Variants in NEB observed in about 807,000 individuals in gnomAD.
The protein encoded by NEB is nemaline myopathy type 2.
In NEB, 512 loss-of-function variants were observed where a neutral mutation model predicts 952.2. That is an observed-to-expected ratio of 0.54 (90% CI 0.50 to 0.58). NEB has a LOEUF of 0.58. Among genes scored for constraint, NEB ranks in the 20% least tolerant of loss-of-function variants. The probability of loss-of-function intolerance (pLI) is 0.00; values close to 1 mark genes in which losing one functional copy is unlikely to be tolerated. For synonymous variants in NEB, 2,900 were observed against 3,149.8 expected (o/e 0.92, Z 2.66); for missense variants, 8,428 against 9,231.1 (o/e 0.91, Z 3.56).
Position 151,506,167 on chromosome 2 carries a change from G to A in NEB, c.23648C>T (p.Ser7883Leu), listed in dbSNP as rs202191938. Residue 7883 changes from serine (S) to leucine (L), a missense_variant and splice_region_variant, in exon 164 of 182, where the codon TCG (serine) becomes TTG (leucine). By Grantham distance (145) the Ser-to-Leu change is moderately radical. Transcript: ENST00000397345. ...CAAGTGCATTCACTGTGTCTTTACCGAGCTAATGTGGTCCTGTGTTTGTTT... is the reference window on the plus strand; with the variant it reads ...CAAGTGCATTCACTGTGTCTTTACCAAGCTAATGTGGTCCTGTGTTTGTTT... ...RVKQTQDHIS[S>L]VKYKEAIGQG... 152 of 1,607,412 alleles carry A rather than the reference G, an allele frequency of 9.5e-5. No homozygotes were observed. The Admixed American group carries it at 1.3e-3, about 14-fold the overall frequency.
rs557045202 is a variant in NEB, at chr2:151,514,814, C to A, written c.23016+4G>T. ...AGGGAAAGAAAAGACCAAGTGGGCA[C>A]TACCTCGCTTGCTATTTTAGTTGCA... On this transcript the variant is annotated splice_donor_region_variant and intron_variant, in intron 158 of 181. Coordinates refer to ENST00000397345, the MANE Select transcript of NEB (RefSeq NM_001164508.2). The A allele has an allele frequency of 1.8e-5, 28 of 1,554,134 alleles. 1 individual carries two copies. In the South Asian group the frequency reaches 3.1e-4, roughly 17 times the overall value.
At chr2:151,675,705 T>G (rs979486448) in intron 34 of NEB, among the ~76,000 whole-genome samples, 2 of 152,220 alleles carry the variant, frequency 1.3e-5, no homozygotes, top group Non-Finnish European at 2.9e-5. Flanking sequence ...ATTTATTATT[T>G]GCCTGTGAGT....
At position 151,629,729 on chromosome 2, in the gene NEB, T is replaced by C. The variant is rs956996461; in HGVS notation, c.9724-83A>G. ...TTATTAAGTGACTTATATCCTAAAA[T>C]TTAAAAAAGGATAGGAACTGGAGAC... On this transcript the variant is annotated intron_variant, in intron 67 of 181. Transcript: ENST00000397345. The C allele has an allele frequency of 6.1e-5, 72 of 1,185,764 alleles. No homozygotes were observed. The South Asian group carries it at 9.0e-4, about 15-fold the overall frequency. 73.5% of individuals were successfully genotyped at this position (1,185,764 alleles called of 1,614,324 possible). A position where few individuals can be genotyped will look rare whatever the true frequency, so the allele number is the denominator to read the frequency against.
rs1212097890 is a variant in NEB at position 151,581,470 on chromosome 2, T to C, written c.16284+13A>G. The C allele has an allele frequency of 1.4e-6, 1 of 712,298 alleles. No individual in the cohort carries two copies. Among genetic ancestry groups the C allele is most frequent in the Non-Finnish European group, 2.2e-6 (1 of 448,484 alleles). 44.1% of individuals were successfully genotyped at this position (712,298 alleles called of 1,614,324 possible). A position where few individuals can be genotyped will look rare whatever the true frequency, so the allele number is the denominator to read the frequency against. On this transcript the variant is annotated intron_variant, in intron 103 of 181. Coordinates refer to ENST00000397345, the MANE Select transcript of NEB (RefSeq NM_001164508.2). Reference sequence around the variant, plus strand: ...AGAGCACTGTGAAAAGCAAATGATGTGTGCTGTCTTACATTGCTGATCTGC... The same window carrying C: ...AGAGCACTGTGAAAAGCAAATGATGCGTGCTGTCTTACATTGCTGATCTGC...
intron 73 of NEB, 146 bp from the exon 74 acceptor site, chr2:151,618,624 G>T: frequency 1.2e-6 from 1 of 831,286 alleles, no homozygotes; most frequent in Non-Finnish European, 1.9e-6. Context: ...GCACATTATT[G>T]AATCCTAAGT....
At chr2:151,683,858 C>A (rs767198202) in intron 28 of NEB, among the ~76,000 whole-genome samples, 1 of 151,992 alleles carries the variant, frequency 6.6e-6, no homozygotes, top group Non-Finnish European at 1.5e-5. Context: ...TATGGCATAT[C>A]GATACAATAG....
At chr2:151,727,980 G>T in intron 4 of NEB, 74 bp from the exon 5 acceptor site, 1 of 1,176,246 alleles carries the variant, frequency 8.5e-7, no homozygotes, top group Non-Finnish European at 1.2e-6. Flanking sequence ...GTATATATTA[G>T]TCTAACTTCA....
At chr2:151,519,597 T>C in intron 154 of NEB, 61 bp downstream of exon 154, 2 of 1,278,056 alleles carry the variant, frequency 1.6e-6, no homozygotes, top group Non-Finnish European at 2.3e-6. Context: ...ATTGCACACT[T>C]AAAAACAGTT....
chr2:151,631,042 T>G lies in NEB; in HGVS notation c.9618+101A>C, dbSNP rs1028287317. 14 of 1,460,382 alleles carry G rather than the reference T, an allele frequency of 9.6e-6. No homozygotes were observed. The African/African-American group carries it at 1.1e-4, about 12-fold the overall frequency. 90.5% of individuals were successfully genotyped at this position (1,460,382 alleles called of 1,614,324 possible). ...AAGCATGTAATTTAAAAGGTAAAAA[T>G]GCGACCCCACGCCTTCATAGATAAT... On this transcript the variant is annotated intron_variant, in intron 66 of 181. Coordinates refer to ENST00000397345, the MANE Select transcript of NEB (RefSeq NM_001164508.2).
At chr2:151,578,556 G>A (rs1255306527) in intron 105 of NEB, among the ~76,000 whole-genome samples, 1 of 151,808 alleles carries the variant, frequency 6.6e-6, no homozygotes, top group Middle Eastern at 3.2e-3. Flanking sequence ...AGCTACTTGG[G>A]AGGCTGAGGC....
At position 151,506,908 on chromosome 2, in the gene NEB, C is replaced by T; in HGVS notation, c.23556+1G>A. On this transcript the variant is annotated splice_donor_variant, in intron 163 of 181. Coordinates refer to ENST00000397345, the MANE Select transcript of NEB (RefSeq NM_001164508.2). LOFTEE classifies it high-confidence loss of function. ...AAATGCAAAATAAATAGTAAATATA[C>T]CGAGCTGAAATTCTTCTGATTTTCT... 1 of 1,581,190 alleles carries T rather than the reference C, an allele frequency of 6.3e-7. No individual in the cohort carries two copies. Among genetic ancestry groups the T allele is most frequent in the South Asian group, 1.1e-5 (1 of 89,900 alleles).
At position 151,697,338 on chromosome 2, in the gene NEB, C is replaced by T. The variant is rs2099603946; in HGVS notation, c.1365+12G>A. Reference sequence around the variant, plus strand: ...GTTATTTGGAAAGTCAAACAATTGTCTTAGAACTTACATCACTGTTTTGAG... The same window carrying T: ...GTTATTTGGAAAGTCAAACAATTGTTTTAGAACTTACATCACTGTTTTGAG... On this transcript the variant is annotated intron_variant, in intron 15 of 181. Transcript: ENST00000397345. 6.2e-7 allele frequency: 1 copy of T among 1,612,556 alleles called. No individual in the cohort carries two copies. The highest frequency in any genetic ancestry group is 1.1e-5 in the South Asian group (1 of 91,038).
At chr2:151,712,186 T>A (rs1165208800) in intron 10 of NEB, among the ~76,000 whole-genome samples, 3 of 152,140 alleles carry the variant, frequency 2.0e-5, no homozygotes, top group Non-Finnish European at 4.4e-5. Context: ...TCTTGCTTGT[T>A]GTCAAAGGAG....
intron 9 of NEB, among the ~76,000 whole-genome samples, chr2:151,719,819 C>T (rs1363302828): frequency 7.3e-6 from 1 of 136,310 alleles, no homozygotes; most frequent in Admixed American, 8.4e-5. Flanking sequence ...GTGGAGGTTG[C>T]AATAAGCCAA....
intron 73 of NEB, 102 bp from the exon 74 acceptor site, chr2:151,618,580 T>G (rs1347125335): frequency 8.8e-7 from 1 of 1,137,276 alleles, no homozygotes; most frequent in Non-Finnish European, 1.3e-6. Flanking sequence ...CGATGAATAG[T>G]TAAGGTTCCT....
chr2:151,678,215 T>C, intron 32 of NEB, 28 bp from the exon 33 acceptor site: 1 of 1,465,002 alleles, frequency 6.8e-7, no homozygotes, highest in Non-Finnish European at 9.2e-7. Flanking sequence ...GGGCATAATT[T>C]AAAATGTAGT....
Position 151,724,979 on chromosome 2 carries a change from A to T in NEB, c.403-18T>A, listed in dbSNP as rs878936380. 6.3e-7 allele frequency: 1 copy of T among 1,589,612 alleles called. No homozygotes were observed. Among genetic ancestry groups the T allele is most frequent in the South Asian group, 1.1e-5 (1 of 90,542 alleles). On this transcript the variant is annotated intron_variant, in intron 6 of 181. Transcript: ENST00000397345. ...TACTTAACCTGCCCAAATAATGCAC[A>T]GTTAGAGTTCATGACAGGCATGTAC...
At chr2:151,497,600 G>A in intron 171 of NEB, 26 bp downstream of exon 171, 2 of 1,547,852 alleles carry the variant, frequency 1.3e-6, no homozygotes, top group African/African-American at 1.4e-5. Context: ...TAAATAAGTA[G>A]TTTTTTTCTT....
intron 10 of NEB, among the ~76,000 whole-genome samples, chr2:151,714,036 A>C (rs1223282059): frequency 6.6e-6 from 1 of 152,186 alleles, no homozygotes; most frequent in Non-Finnish European, 1.5e-5. Context: ...GATTAATGGA[A>C]GCTAAAAGAG....
Sources: gnomAD v4.1 joint callset for allele counts (sites outside exome capture counted in the v4.1 genomes callset) on GRCh38, gnomAD v4.1.1 for gene constraint, MANE v1.5 for transcripts, NCBI Gene and HGNC (gene_info 2026-07-23, HGNC 2026-07-21) for gene names.